DAPK2: variants seen among roughly 807,000 people sequenced by gnomAD.
The protein encoded by DAPK2 is death-associated protein kinase 2.
Under a neutral mutation model 44.1 loss-of-function variants are expected in DAPK2, and 35 were observed. That is an observed-to-expected ratio of 0.79 (90% CI 0.61 to 1.05). DAPK2 has a LOEUF of 1.05. Among genes scored for constraint, DAPK2 ranks in the 50% least tolerant of loss-of-function variants. DAPK2 has a pLI of 0.00. For synonymous variants in DAPK2, 174 were observed against 182.6 expected (o/e 0.95, Z 0.38); for missense variants, 453 against 483.2 (o/e 0.94, Z 0.59).
chr15:63,971,053 C>T (rs1200712350), intron 3 of DAPK2, among the ~76,000 whole-genome samples: 1 of 152,192 alleles, frequency 6.6e-6, no homozygotes, highest in Non-Finnish European at 1.5e-5. Context: ...CAGCAATCCT[C>T]CAAACATTTC....
intron 3 of DAPK2, among the ~76,000 whole-genome samples, chr15:63,947,149 G>T (rs2077470498): frequency 6.6e-6 from 1 of 152,056 alleles, no homozygotes; most frequent in Non-Finnish European, 1.5e-5. Flanking sequence ...TCACTCTGCT[G>T]GAACAGCCTT....
Position 63,939,232 on chromosome 15 carries a change from C to T in DAPK2, c.583G>A (p.Ala195Thr), listed in dbSNP as rs776220153. The change falls in exon 4 of 11, where the codon GCT (alanine) becomes ACT (threonine). Residue 195 changes from alanine (A) to threonine (T), a missense_variant and splice_region_variant. Physicochemically the swap from Ala to Thr is moderately conservative, Grantham distance 58. Coordinates refer to ENST00000261891, the Ensembl canonical transcript of DAPK2. The surrounding 1 kb of genome is among the most constrained non-coding windows in gnomAD (Gnocchi z 4.3). ...AAAGACAAACAGGCCTACAACTCAC[C>T]AACAAATTCCGGCGTCCCAAAAATA... 1.9e-6 allele frequency: 3 copies of T among 1,613,424 alleles called. No homozygotes were observed. The highest frequency in any genetic ancestry group is 2.2e-5 in the South Asian group (2 of 90,964).
At chr15:63,931,150 T>C (rs912430459) in intron 4 of DAPK2, among the ~76,000 whole-genome samples, 10 of 152,178 alleles carry the variant, frequency 6.6e-5, no homozygotes, top group African/African-American at 2.2e-4. Flanking sequence ...GAAGGCACCA[T>C]CTATGAAACA....
At chr15:63,913,453 T>C (rs906476269) in intron 8 of DAPK2, among the ~76,000 whole-genome samples, 1 of 152,206 alleles carries the variant, frequency 6.6e-6, no homozygotes, top group African/African-American at 2.4e-5. Flanking sequence ...AAGGCCCCCA[T>C]GACCTCAAGA....
At chr15:63,984,892 T>C (rs1233970473) in intron 1 of DAPK2, among the ~76,000 whole-genome samples, 1 of 151,676 alleles carries the variant, frequency 6.6e-6, no homozygotes, top group African/African-American at 2.4e-5. Flanking sequence ...ATTAGCATCA[T>C]CCTCAGTGAG....
chr15:64,007,123 T>C (rs2079253076), intron 1 of DAPK2, among the ~76,000 whole-genome samples: 1 of 150,946 alleles, frequency 6.6e-6, no homozygotes, highest in South Asian at 2.1e-4. Context: ...CTCTCCTAGC[T>C]AATTGAAAAA....
At chr15:63,944,348 C>T (rs1034553548) in intron 3 of DAPK2, among the ~76,000 whole-genome samples, 13 of 152,140 alleles carry the variant, frequency 8.5e-5, no homozygotes, top group African/African-American at 2.7e-4. Flanking sequence ...CCCTGCTATC[C>T]AGCCATGTTT....
At chr15:64,016,508 C>T (rs1242782721) in intron 1 of DAPK2, among the ~76,000 whole-genome samples, 4 of 152,172 alleles carry the variant, frequency 2.6e-5, no homozygotes, top group Admixed American at 2.6e-4. Flanking sequence ...TTAGAAATAG[C>T]ATAGGCTGGG....
intron 8 of DAPK2, among the ~76,000 whole-genome samples, chr15:63,914,863 C>A (rs2078886719): frequency 6.6e-6 from 1 of 152,172 alleles, no homozygotes; most frequent in East Asian, 1.9e-4. Flanking sequence ...AGTAGCAAGC[C>A]AACTTCCCCC....
Position 63,912,679 on chromosome 15 carries a change from T to C in DAPK2, c.859-482A>G, listed in dbSNP as rs2078829012. Reference sequence around the variant, plus strand: ...GAGGCAACAGGATGTGCAGTTGCTTTTCACAGCCTGGCAGTCAGAGCTCAG... The same window carrying C: ...GAGGCAACAGGATGTGCAGTTGCTTCTCACAGCCTGGCAGTCAGAGCTCAG... On this transcript the variant is annotated intron_variant, in intron 8 of 10. Transcript: ENST00000261891. This position sits in a 1 kb window ranked among gnomAD's most constrained non-coding sequence, Gnocchi z 4.4. Among the ~76,000 whole-genome samples, 1 of 152,232 alleles carries C rather than the reference T, an allele frequency of 6.6e-6. No homozygotes were observed. Among genetic ancestry groups the C allele is most frequent in the African/African-American group, 2.4e-5 (1 of 41,464 alleles).
At chr15:63,950,706 T>C (rs1350693259) in intron 3 of DAPK2, among the ~76,000 whole-genome samples, 2 of 152,190 alleles carry the variant, frequency 1.3e-5, no homozygotes, top group Non-Finnish European at 2.9e-5. Flanking sequence ...TGTTTAGTGT[T>C]TCCTCACTGG....
At chr15:63,922,829 A>C in intron 8 of DAPK2, 1 of 1,535,890 alleles carries the variant, frequency 6.5e-7, no homozygotes, top group Non-Finnish European at 8.7e-7. Context: ...TGTGGAGCCC[A>C]GGCCCTCAGA....
chr15:63,938,945 C>A (rs985840291), intron 4 of DAPK2, among the ~76,000 whole-genome samples: 1 of 152,180 alleles, frequency 6.6e-6, no homozygotes, highest in Non-Finnish European at 1.5e-5. Flanking sequence ...TCTAAGAGCA[C>A]GAGGTGGGGC....
At chr15:63,922,888 C>T in intron 8 of DAPK2, 7 of 1,535,940 alleles carry the variant, frequency 4.6e-6, no homozygotes, top group Non-Finnish European at 5.2e-6. Context: ...GAATCCACTG[C>T]AGGTCTGCGG....
At chr15:64,014,974 G>A (rs571751687) in intron 1 of DAPK2, among the ~76,000 whole-genome samples, 1 of 151,958 alleles carries the variant, frequency 6.6e-6, no homozygotes, top group Admixed American at 6.6e-5. Context: ...AGGGAGGACA[G>A]ATAAAGTACC....
intron 6 of DAPK2, among the ~76,000 whole-genome samples, chr15:63,927,743 A>ATTTT (rs56346248): frequency 6.8e-6 from 1 of 146,444 alleles, no homozygotes; most frequent in African/African-American, 2.5e-5. Flanking sequence ...CTGGGATTCC[A>ATTTT]TTTTTTTTTT....
At chr15:63,992,899 G>A (rs2140918439) in intron 1 of DAPK2, among the ~76,000 whole-genome samples, 1 of 152,354 alleles carries the variant, frequency 6.6e-6, no homozygotes, top group South Asian at 2.1e-4. Context: ...CCTGGGCAAA[G>A]CCCAGGAGAC....
chr15:63,960,609 C>T (rs1415720346), intron 3 of DAPK2, among the ~76,000 whole-genome samples: 1 of 152,182 alleles, frequency 6.6e-6, no homozygotes, highest in Non-Finnish European at 1.5e-5. Context: ...TCGTTATGTA[C>T]CCAGTAGTCA....
At chr15:64,026,075 G>A (rs980270964) in intron 1 of DAPK2, among the ~76,000 whole-genome samples, 4 of 152,084 alleles carry the variant, frequency 2.6e-5, no homozygotes. Flanking sequence ...CCCTGTGGAC[G>A]GCTGACTGGG....
Sources: allele counts gnomAD v4.1 joint callset (sites outside exome capture counted in the v4.1 genomes callset), GRCh38; gene constraint gnomAD v4.1.1; non-coding constraint Gnocchi (gnomAD v3.1); transcripts MANE v1.5; gene names NCBI Gene and HGNC (gene_info 2026-07-23, HGNC 2026-07-21).